ZNF362: variants seen among roughly 807,000 people sequenced by gnomAD.
The protein encoded by ZNF362 is rotund homolog.
A neutral mutation model predicts 42.9 loss-of-function variants in ZNF362; 11 were observed. The ratio of observed to expected loss-of-function variants is 0.26; its 90% CI spans 0.16 to 0.42. The LOEUF is 0.42. Ranked by LOEUF, ZNF362 falls within the 20% of genes least tolerant of loss-of-function variation. ZNF362 has a pLI of 1.00. For synonymous variants in ZNF362, 255 were observed against 257.3 expected (o/e 0.99, Z 0.09); for missense variants, 362 against 576.2 (o/e 0.63, Z 3.81).
the ZNF362 span, among the ~76,000 whole-genome samples, chr1:33,189,696 T>TACAC: frequency 1.1e-5 from 1 of 94,248 alleles, no homozygotes; most frequent in African/African-American, 4.4e-5. Context: ...TATATATATA[T>TACAC]ACACATATAT....
At chr1:33,278,695 G>A (rs1645968764) in intron 4 of ZNF362, among the ~76,000 whole-genome samples, 1 of 152,208 alleles carries the variant, frequency 6.6e-6, no homozygotes, top group Admixed American at 6.5e-5. Context: ...AACTACGTAT[G>A]TAGTTTGAGT....
intron 1 of ZNF362, among the ~76,000 whole-genome samples, chr1:33,263,954 C>T (rs994193665): frequency 1.7e-4 from 26 of 152,104 alleles, no homozygotes; most frequent in African/African-American, 6.0e-4. Flanking sequence ...ACACCCTCCC[C>T]ACTCCTTTCT....
the ZNF362 span, chr1:33,146,082 G>A: frequency 2.9e-6 from 1 of 349,770 alleles, no homozygotes; most frequent in Non-Finnish European, 5.7e-6. Flanking sequence ...GATGGGGGCA[G>A]CTTTCCTGGT....
At chr1:33,128,544 G>T in the ZNF362 span, among the ~76,000 whole-genome samples, 2 of 152,218 alleles carry the variant, frequency 1.3e-5, no homozygotes, top group African/African-American at 4.8e-5. Context: ...GATTGGGAAA[G>T]TCTCTGCCTA....
the ZNF362 span, among the ~76,000 whole-genome samples, chr1:33,193,864 G>A: frequency 6.6e-6 from 1 of 152,222 alleles, no homozygotes; most frequent in African/African-American, 2.4e-5. Flanking sequence ...CTTGAAGGCA[G>A]TAACGGTACT....
At chr1:33,255,610 G>C (rs1316655249), upstream of ZNF362, among the ~76,000 whole-genome samples, 1 of 152,166 alleles carries the variant, frequency 6.6e-6, no homozygotes, top group Non-Finnish European at 1.5e-5. Flanking sequence ...AGATGGCTCT[G>C]AGGTCTGGAG....
the ZNF362 span, among the ~76,000 whole-genome samples, chr1:33,241,796 G>A: frequency 6.6e-6 from 1 of 152,118 alleles, no homozygotes; most frequent in Non-Finnish European, 1.5e-5. Context: ...GGCTGGTCTC[G>A]AACTCCTGGC....
intron 1 of ZNF362, among the ~76,000 whole-genome samples, 172 bp downstream of exon 1, chr1:33,256,826 A>AGCGGCGGCGGCGGCG (rs551197216): frequency 6.9e-6 from 1 of 144,132 alleles, no homozygotes; most frequent in East Asian, 2.1e-4. Flanking sequence ...CCCGGCCCAG[A>AGCGGCGGCGGCGGCG]GCGGCGGCGG....
At chr1:33,254,595 C>T (rs1645775315), upstream of ZNF362, among the ~76,000 whole-genome samples, 1 of 152,140 alleles carries the variant, frequency 6.6e-6, no homozygotes, top group Non-Finnish European at 1.5e-5. Context: ...AGGAAGACCA[C>T]AAAGGTAAAG....
chr1:33,200,464 A>G, the ZNF362 span: 1 of 152,346 alleles, frequency 6.6e-6, no homozygotes, highest in African/African-American at 2.4e-5. Flanking sequence ...CAAGAATTAC[A>G]TTAATGTAAA....
At chr1:33,161,152 C>T in the ZNF362 span, among the ~76,000 whole-genome samples, 1 of 152,216 alleles carries the variant, frequency 6.6e-6, no homozygotes, top group South Asian at 2.1e-4. This position sits in a 1 kb window ranked among gnomAD's most constrained non-coding sequence, Gnocchi z 4.3. Context: ...GTTGTGCGCA[C>T]TCCAAGGCGC....
the ZNF362 span, among the ~76,000 whole-genome samples, chr1:33,152,580 A>T: frequency 6.6e-6 from 1 of 152,068 alleles, no homozygotes; most frequent in Non-Finnish European, 1.5e-5. Flanking sequence ...AAAGAAAAAA[A>T]AAAAAAAAAA....
the ZNF362 span, chr1:33,165,225 G>A: frequency 2.5e-6 from 1 of 402,110 alleles, no homozygotes; most frequent in African/African-American, 2.1e-5. The surrounding 1 kb of genome is among the most constrained non-coding windows in gnomAD (Gnocchi z 4.0). Context: ...AAATGGCCCC[G>A]TCCTTAACCG....
chr1:33,269,085 A>T (rs752988465), intron 1 of ZNF362, among the ~76,000 whole-genome samples: 6 of 152,036 alleles, frequency 3.9e-5, no homozygotes, highest in Non-Finnish European at 7.4e-5. Context: ...CCTCTTCCGG[A>T]TAGCCCTTCC....
chr1:33,256,169 C>CGGT (rs1645787649), upstream of ZNF362, among the ~76,000 whole-genome samples: 1 of 147,540 alleles, frequency 6.8e-6, no homozygotes, highest in African/African-American at 2.5e-5. Context: ...CTTTGCCAGG[C>CGGT]GGTGGCGGCG....
At chr1:33,188,126 C>A in the ZNF362 span, among the ~76,000 whole-genome samples, 1 of 152,016 alleles carries the variant, frequency 6.6e-6, no homozygotes, top group Non-Finnish European at 1.5e-5. Flanking sequence ...CCCAGCTACT[C>A]GGGAGGCTGA....
At chr1:33,133,959 G>C in the ZNF362 span, among the ~76,000 whole-genome samples, 74 of 152,330 alleles carry the variant, frequency 4.9e-4, 1 homozygote, top group South Asian at 0.015. Context: ...TACTCAACCT[G>C]GCGAGCTGCC....
intron 8 of ZNF362, among the ~76,000 whole-genome samples, chr1:33,297,511 C>CTTTTTTTTTTTTTTTTTTTTTT (rs776504622): frequency 1.3e-5 from 1 of 78,908 alleles, no homozygotes; most frequent in African/African-American, 6.6e-5. Flanking sequence ...TACATGATTC[C>CTTTTTTTTTTTTTTTTTTTTTT]TCTTTTTTTT....
chr1:33,292,031 C>T (rs1226490330), intron 6 of ZNF362, among the ~76,000 whole-genome samples: 1 of 152,154 alleles, frequency 6.6e-6, no homozygotes, highest in East Asian at 1.9e-4. Context: ...AATTTGACTT[C>T]CTCTTTTCCT....
Sources: allele counts gnomAD v4.1 joint callset (sites outside exome capture counted in the v4.1 genomes callset), GRCh38; gene constraint gnomAD v4.1.1; non-coding constraint Gnocchi (gnomAD v3.1); transcripts MANE v1.5; gene names NCBI Gene and HGNC (gene_info 2026-07-23, HGNC 2026-07-21).